Variants in MTMR8 observed in about 807,000 individuals in gnomAD.
The protein encoded by MTMR8 is myotubularin related protein 8.
In MTMR8, 65 loss-of-function variants were observed where a neutral mutation model predicts 39.3. That is an observed-to-expected ratio of 1.65 (90% CI 1.35 to 2.03). MTMR8 has a LOEUF of 2.03. Ranked by LOEUF, MTMR8 falls within the 30% of genes most tolerant of loss-of-function variation. The probability of loss-of-function intolerance (pLI) is 0.00; values close to 1 mark genes in which losing one functional copy is unlikely to be tolerated. For missense variants in MTMR8, 777 were observed against 538.9 expected (o/e 1.44, Z -4.37); for synonymous variants, 245 against 185.2 (o/e 1.32, Z -2.62).
intron 1 of MTMR8, among the ~76,000 whole-genome samples, chrX:64,383,826 C>T (rs1389163141): frequency 1.8e-5 from 2 of 111,009 alleles, no homozygotes; most frequent in Non-Finnish European, 3.8e-5. Context: ...AGAACCAAAC[C>T]ATATCATTCT....
At chrX:64,327,664 C>T (rs1396073006) in intron 12 of MTMR8, among the ~76,000 whole-genome samples, 1 of 112,312 alleles carries the variant, frequency 8.9e-6, no homozygotes, top group African/African-American at 3.2e-5. Context: ...ATCTATCTGG[C>T]AATCCCATTA....
intron 12 of MTMR8, among the ~76,000 whole-genome samples, chrX:64,318,420 T>C (rs1922532472): frequency 8.9e-6 from 1 of 111,796 alleles, no homozygotes; most frequent in Non-Finnish European, 1.9e-5. Flanking sequence ...TGGCTTCTAT[T>C]TGTGGCTTTT....
In MTMR8 at chrX:64,350,055, G is replaced by A; in HGVS notation, c.484C>T (p.Pro162Ser). ...NRNYEICSTY[P>S]PEIVVPKSVT... The stretch of plus-strand genomic sequence containing the variant: ...GATTTAGGAACCACTATTTCAGGAG[G>A]GTAGGTGCTGCATATCTAAAAGAAA... Residue 162 changes from proline (P) to serine (S), a missense_variant, in exon 5 of 14, where the codon CCT becomes TCT. Transcript: ENST00000374852. 1 of 1,155,105 alleles carries A rather than the reference G, an allele frequency of 8.7e-7. No individual in the cohort carries two copies. The highest frequency in any genetic ancestry group is 1.2e-6 in the Non-Finnish European group (1 of 861,670).
At chrX:64,320,196 C>A (rs1235586356) in intron 12 of MTMR8, among the ~76,000 whole-genome samples, 1 of 111,228 alleles carries the variant, frequency 9.0e-6, no homozygotes, top group African/African-American at 3.3e-5. Flanking sequence ...CATGATTTGG[C>A]TCTCTGTTTA....
At chrX:64,285,566 G>C (rs1487731984) in intron 12 of MTMR8, among the ~76,000 whole-genome samples, 1 of 111,566 alleles carries the variant, frequency 9.0e-6, no homozygotes, top group Non-Finnish European at 1.9e-5. Flanking sequence ...TGACCACATA[G>C]TTGGAAGTAA....
chrX:64,387,574 G>A (rs1214868842), intron 1 of MTMR8, among the ~76,000 whole-genome samples: 1 of 109,842 alleles, frequency 9.1e-6, no homozygotes, highest in Admixed American at 9.8e-5. Flanking sequence ...CTACTCAAAG[G>A]CACCAGGGCC....
intron 12 of MTMR8, chrX:64,306,122 T>A (rs1223970408): frequency 4.4e-6 from 1 of 229,075 alleles, no homozygotes; most frequent in Non-Finnish European, 8.7e-6. Flanking sequence ...AAAAAAAATG[T>A]TTTGAAGTAA....
At chrX:64,342,814 G>T (rs1386612211) in intron 8 of MTMR8, among the ~76,000 whole-genome samples, 1 of 112,275 alleles carries the variant, frequency 8.9e-6, no homozygotes, top group Non-Finnish European at 1.9e-5. Flanking sequence ...GCAGATGTAT[G>T]AAAAGTCATT....
chrX:64,303,359 T>C (rs2147203205), intron 12 of MTMR8, among the ~76,000 whole-genome samples: 1 of 112,478 alleles, frequency 8.9e-6, no homozygotes, highest in African/African-American at 3.2e-5. Flanking sequence ...CTGTTACTAG[T>C]TTTAAACTTT....
At chrX:64,348,496 A>C (rs1033035366) in intron 6 of MTMR8, among the ~76,000 whole-genome samples, 164 bp downstream of exon 6, 3 of 112,116 alleles carry the variant, frequency 2.7e-5, no homozygotes, top group Non-Finnish European at 5.6e-5. Flanking sequence ...GCAACCTTAT[A>C]AAAGGAGCCC....
chrX:64,334,711 C>G (rs1923031479), intron 10 of MTMR8, among the ~76,000 whole-genome samples: 2 of 110,514 alleles, frequency 1.8e-5, no homozygotes, highest in African/African-American at 6.6e-5. Flanking sequence ...TCCTCAAACA[C>G]GTAATCCTGT....
intron 12 of MTMR8, among the ~76,000 whole-genome samples, chrX:64,275,584 T>G (rs759418744): frequency 7.7e-4 from 78 of 101,028 alleles, no homozygotes; most frequent in African/African-American, 2.8e-3. Flanking sequence ...ACTTGGGAGC[T>G]AGGTTTGGAG....
At chrX:64,380,101 C>A (rs1274783754) in intron 1 of MTMR8, among the ~76,000 whole-genome samples, 1 of 112,203 alleles carries the variant, frequency 8.9e-6, no homozygotes, top group East Asian at 2.8e-4. Flanking sequence ...CAAACACAAA[C>A]CTCCTTTCAG....
chrX:64,321,520 G>A (rs780594885), intron 12 of MTMR8, among the ~76,000 whole-genome samples: 103 of 111,805 alleles, frequency 9.2e-4, no homozygotes, highest in African/African-American at 3.2e-3. Flanking sequence ...TAGGTCCATT[G>A]GGGTTACCCT....
intron 10 of MTMR8, among the ~76,000 whole-genome samples, chrX:64,332,193 A>G (rs1036389198): frequency 8.9e-6 from 1 of 112,250 alleles, no homozygotes; most frequent in African/African-American, 3.2e-5. Flanking sequence ...GACCACATCT[A>G]TATTGTTTAC....
chrX:64,360,291 C>T (rs998610466), intron 1 of MTMR8: 28 of 249,661 alleles, frequency 1.1e-4, no homozygotes, highest in Non-Finnish European at 1.8e-4. Flanking sequence ...AATACAGTCT[C>T]GAACTATATC....
intron 4 of MTMR8, among the ~76,000 whole-genome samples, chrX:64,351,320 A>G (rs979500366): frequency 9.0e-6 from 1 of 111,284 alleles, no homozygotes; most frequent in East Asian, 2.8e-4. Flanking sequence ...CCTAGTAGAC[A>G]TTCAAAGCTA....
At chrX:64,390,974 A>G (rs1390493685) in intron 1 of MTMR8, among the ~76,000 whole-genome samples, 1 of 112,446 alleles carries the variant, frequency 8.9e-6, no homozygotes, top group Non-Finnish European at 1.9e-5. Context: ...CACTCTTTTA[A>G]GTATACAATT....
chrX:64,363,480 T>C (rs138091723), intron 1 of MTMR8, among the ~76,000 whole-genome samples: 1,616 of 111,978 alleles, frequency 0.014, 37 homozygotes, highest in African/African-American at 0.048. Flanking sequence ...GATGCCTGCT[T>C]CTCACCTACA....
Sources: gnomAD v4.1 joint callset for allele counts (sites outside exome capture counted in the v4.1 genomes callset) on GRCh38, gnomAD v4.1.1 for gene constraint, MANE v1.5 for transcripts, NCBI Gene and HGNC (gene_info 2026-07-23, HGNC 2026-07-21) for gene names.